UBR4: variants seen among roughly 807,000 people sequenced by gnomAD.
UBR4 encodes the protein E3 ubiquitin-protein ligase UBR4.
A neutral mutation model predicts 575.6 loss-of-function variants in UBR4; 124 were observed. That is an observed-to-expected ratio of 0.22 (90% CI 0.19 to 0.25). The LOEUF (loss-of-function observed/expected upper bound fraction) is 0.25. UBR4 is among the 10% of genes least tolerant of loss of function. The pLI, the probability that UBR4 is intolerant of heterozygous loss-of-function variation, is 1.00. For missense variants in UBR4, 4,818 were observed against 6,478.8 expected (o/e 0.74, Z 8.80); for synonymous variants, 2,455 against 2,473.7 (o/e 0.99, Z 0.22).
Position 19,192,560 on chromosome 1 carries a change from C to A in UBR4, c.1144-20G>T. The A allele has an allele frequency of 6.2e-7, 1 of 1,613,638 alleles. No individual in the cohort carries two copies. Among genetic ancestry groups the A allele is most frequent in the Non-Finnish European group, 8.5e-7 (1 of 1,179,732 alleles). ...TTCGAGCTGTACAATATCAAACAGA[C>A]ACAAAAATCTGAACAAGCTGACAGA... On this transcript the variant is annotated intron_variant, in intron 9 of 105. Transcript: ENST00000375254.
chr1:19,160,400 T>C (rs2087140371), intron 38 of UBR4, 119 bp from the exon 39 acceptor site: 11 of 973,544 alleles, frequency 1.1e-5, no homozygotes, highest in South Asian at 7.1e-5. Flanking sequence ...TCACTTCCAG[T>C]TGGATATTCT....
rs753922367 is a variant in UBR4, at chr1:19,153,336, A to G, written c.6797T>C (p.Met2266Thr). The change falls in exon 46 of 106, where the codon ATG becomes ACG. Residue 2266 changes from methionine to threonine, a missense_variant. Met to Thr is a moderately conservative substitution (Grantham distance 81, BLOSUM62 -1). This residue lies in a region of UBR4 where 461 missense variants were observed against 606.9 expected (regional missense o/e 0.76). Transcript: ENST00000375254. The surrounding 1 kb of genome is among the most constrained non-coding windows in gnomAD (Gnocchi z 4.1). ...SLQPSSVISIMKPVRKRKTAT... is the reference protein window; with the variant it reads ...SLQPSSVISITKPVRKRKTAT... ...TGTTTTGCGCTTTCGAACAGGCTTCATGATGCTGATGACACTGCTGGGCTG... is the reference window on the plus strand; with the variant it reads ...TGTTTTGCGCTTTCGAACAGGCTTCGTGATGCTGATGACACTGCTGGGCTG... The G allele has an allele frequency of 6.2e-7, 1 of 1,614,198 alleles. No individual in the cohort carries two copies. Among genetic ancestry groups the G allele is most frequent in the South Asian group, 1.1e-5 (1 of 91,084 alleles).
At chr1:19,114,989 C>T (rs2149366126) in intron 74 of UBR4, 40 bp from the exon 75 acceptor site, 2 of 1,613,028 alleles carry the variant, frequency 1.2e-6, no homozygotes, top group Non-Finnish European at 1.7e-6. Flanking sequence ...GGTGACAAGG[C>T]TGGGTGGGGT....
intron 8 of UBR4, among the ~76,000 whole-genome samples, chr1:19,196,138 G>A (rs1340252866): frequency 1.3e-5 from 2 of 152,080 alleles, no homozygotes; most frequent in Non-Finnish European, 2.9e-5. Flanking sequence ...GCTCCTTCAT[G>A]ATTACTGCCT....
chr1:19,143,303 A>G (rs1269527479), intron 55 of UBR4, among the ~76,000 whole-genome samples: 2 of 122,476 alleles, frequency 1.6e-5, no homozygotes, highest in Non-Finnish European at 3.6e-5. Flanking sequence ...AGAAAGAAAG[A>G]AAGAAAGAAA....
intron 17 of UBR4, among the ~76,000 whole-genome samples, chr1:19,180,349 T>C (rs1206374111): frequency 1.3e-5 from 2 of 151,992 alleles, no homozygotes; most frequent in Non-Finnish European, 2.9e-5. Flanking sequence ...CCACCATGCC[T>C]GGCTAATTTT....
At chr1:19,177,850 A>T in intron 18 of UBR4, 107 bp from the exon 19 acceptor site, 1 of 1,286,524 alleles carries the variant, frequency 7.8e-7, no homozygotes, top group South Asian at 1.5e-5. Flanking sequence ...AGGCAGTAAG[A>T]TAACAAATTA....
Position 19,177,563 on chromosome 1 carries a change from A to G in UBR4, c.2535T>C (p.Asp845=). The G allele has an allele frequency of 1.2e-6, 2 of 1,614,130 alleles. No individual in the cohort carries two copies. Among genetic ancestry groups the G allele is most frequent in the Non-Finnish European group, 1.7e-6 (2 of 1,180,018 alleles). ...TAAGCGGCACGAAGCGCATCTGAGCATCCATGTTGACGCTCAACTCCTGGA... is the reference window on the plus strand; with the variant it reads ...TAAGCGGCACGAAGCGCATCTGAGCGTCCATGTTGACGCTCAACTCCTGGA... ...QIIQELSVNM[D]AQMRFVPLIL... The change falls in exon 19 of 106, where the codon GAT becomes GAC. Residue 845 remains aspartate, a synonymous_variant. Coordinates refer to ENST00000375254, the MANE Select transcript of UBR4 (RefSeq NM_020765.3).
Position 19,117,331 on chromosome 1 carries a change from G to A in UBR4, c.10713C>T (p.Ile3571=). The change falls in exon 73 of 106, where the codon ATC becomes ATT. Residue 3571 remains isoleucine (I), a synonymous_variant. Coordinates refer to ENST00000375254, the MANE Select transcript of UBR4 (RefSeq NM_020765.3). The surrounding 1 kb of genome is among the most constrained non-coding windows in gnomAD (Gnocchi z 4.0). ...QVVKLIGSHT[I]SKVTVKIGDL... Reference sequence around the variant, plus strand: ...CCCCGATTTTCACTGTCACTTTGCTGATGGTGTGACTGCCAATGAGCTTCA... The same window carrying A: ...CCCCGATTTTCACTGTCACTTTGCTAATGGTGTGACTGCCAATGAGCTTCA... 1 of 1,614,188 alleles carries A rather than the reference G, an allele frequency of 6.2e-7. No homozygotes were observed. Among genetic ancestry groups the A allele is most frequent in the South Asian group, 1.1e-5 (1 of 91,076 alleles).
chr1:19,100,547 A>T lies in UBR4; in HGVS notation c.13050T>A (p.Phe4350Leu). ...GTTGGGGATCCTTCTCCAGGGTCAC[A>T]AAGAACTCAGTGACTTCATTCTCCT... ...YPEENEVTEF[F>L]VTLEKDPQQE... The change falls in exon 89 of 106, where the codon TTT becomes TTA. Residue 4350 changes from phenylalanine (F) to leucine (L), a missense_variant. Transcript: ENST00000375254. The surrounding 1 kb of genome is among the most constrained non-coding windows in gnomAD (Gnocchi z 4.2). The T allele has an allele frequency of 1.2e-6, 2 of 1,614,084 alleles. No individual in the cohort carries two copies. The highest frequency in any genetic ancestry group is 2.2e-5 in the South Asian group (2 of 91,082).
chr1:19,195,316 T>G (rs528132266), intron 8 of UBR4, among the ~76,000 whole-genome samples: 2 of 148,516 alleles, frequency 1.3e-5, no homozygotes. Context: ...TTTCAAAAAA[T>G]TAAAAATAAA....
At chr1:19,158,018 G>GA in intron 39 of UBR4, 21 bp from the exon 40 acceptor site, 1 of 1,601,348 alleles carries the variant, frequency 6.2e-7, no homozygotes, top group South Asian at 1.1e-5. Flanking sequence ...AGGAAGCAGA[G>GA]AAAGTGGGCA....
intron 78 of UBR4, chr1:19,112,242 C>T (rs974860198): frequency 2.6e-5 from 10 of 390,722 alleles, no homozygotes; most frequent in African/African-American, 1.2e-4. Context: ...AAGTGTCTCC[C>T]TTCCCTTCCC....
In UBR4 at chr1:19,207,527, G is replaced by T. The variant is rs139503991; in HGVS notation, c.176+2546C>A. 6.2e-3 allele frequency among the ~76,000 whole-genome samples: 938 copies of T among 152,326 alleles called. 5 individuals are homozygous for T. The highest frequency in any genetic ancestry group is 8.5e-3 in the Non-Finnish European group (576 of 68,026). On this transcript the variant is annotated intron_variant, in intron 1 of 105. Coordinates refer to ENST00000375254, the MANE Select transcript of UBR4 (RefSeq NM_020765.3). ...ATCTATAATCCCAGCTACTTGGGAG[G>T]CTGAGGCACGAGAATCACTTGAACC...
At chr1:19,172,798 A>G in intron 25 of UBR4, 66 bp downstream of exon 25, 1 of 1,491,170 alleles carries the variant, frequency 6.7e-7, no homozygotes, top group Non-Finnish European at 9.3e-7. Context: ...TCAAATTCTG[A>G]GTCAATGCGG....
chr1:19,154,543 G>C (rs2086184147), intron 44 of UBR4, among the ~76,000 whole-genome samples: 1 of 152,116 alleles, frequency 6.6e-6, no homozygotes, highest in Non-Finnish European at 1.5e-5. Context: ...TTTGCTAACA[G>C]AGTAAGTCTC....
At chr1:19,210,032 C>G in intron 1 of UBR4, 41 bp downstream of exon 1, 5 of 1,505,382 alleles carry the variant, frequency 3.3e-6, no homozygotes, top group Non-Finnish European at 4.4e-6. Flanking sequence ...AAATCCCCTC[C>G]CCCCACAACA....
At chr1:19,145,299 T>C (rs2084687142) in intron 53 of UBR4, among the ~76,000 whole-genome samples, 1 of 152,160 alleles carries the variant, frequency 6.6e-6, no homozygotes, top group African/African-American at 2.4e-5. Context: ...ACCACCCAAA[T>C]GTCCTCCAAA....
Position 19,088,794 on chromosome 1 carries a change from T to C in UBR4, c.14395A>G (p.Met4799Val), listed in dbSNP as rs1373636401. 1 of 1,613,992 alleles carries C rather than the reference T, an allele frequency of 6.2e-7. No homozygotes were observed. Among genetic ancestry groups the C allele is most frequent in the Non-Finnish European group, 8.5e-7 (1 of 1,180,022 alleles). ...AGGGTGCCCAGGGCCTTCTGCCTCATTGCCATGGCCATGCGCTTCTTCTCT... is the reference window on the plus strand; with the variant it reads ...AGGGTGCCCAGGGCCTTCTGCCTCACTGCCATGGCCATGCGCTTCTTCTCT... ...RAEKKRMAMA[M>V]RQKALGTLGM... Residue 4799 changes from methionine to valine, a missense_variant, in exon 98 of 106, where the codon ATG (methionine) becomes GTG (valine). By Grantham distance (21) the Met-to-Val change is conservative (BLOSUM62 1). Coordinates refer to ENST00000375254, the MANE Select transcript of UBR4 (RefSeq NM_020765.3). This position sits in a 1 kb window ranked among gnomAD's most constrained non-coding sequence, Gnocchi z 4.0.
Sources: gnomAD v4.1 joint callset for allele counts (sites outside exome capture counted in the v4.1 genomes callset) on GRCh38, gnomAD v4.1.1 for gene constraint, gnomAD v4.1.1 regional missense constraint, Gnocchi (gnomAD v3.1) non-coding constraint, MANE v1.5 for transcripts, NCBI Gene and HGNC (gene_info 2026-07-23, HGNC 2026-07-21) for gene names.